The following PKHD1L1 variants were observed in gnomAD, a reference collection of about 807,000 sequenced individuals.
PKHD1L1 encodes the protein fibrocystin-L.
PKHD1L1 carries 434 observed loss-of-function variants against 462.9 expected under a neutral mutation model. The observed-to-expected ratio is 0.94, with a 90% confidence interval of 0.87 to 1.02. The LOEUF (loss-of-function observed/expected upper bound fraction) is 1.02, where lower values mean the gene tolerates loss of function less well. Among genes scored for constraint, PKHD1L1 ranks in the 50% least tolerant of loss-of-function variants. The probability of loss-of-function intolerance (pLI) is 0.00; values close to 1 mark genes in which losing one functional copy is unlikely to be tolerated. For missense variants in PKHD1L1, 5,202 were observed against 5,096.1 expected (o/e 1.02, Z -0.63); for synonymous variants, 1,781 against 1,750.0 (o/e 1.02, Z -0.44).
At chr8:109,394,651 T>G (rs1046135580) in intron 10 of PKHD1L1, among the ~76,000 whole-genome samples, 166 bp downstream of exon 10, 11 of 152,178 alleles carry the variant, frequency 7.2e-5, no homozygotes, top group African/African-American at 2.7e-4. Context: ...GCTACAACAT[T>G]AAGCATGACC....
At chr8:109,366,907 TG>T (rs1811262401) in intron 2 of PKHD1L1, among the ~76,000 whole-genome samples, 1 of 152,118 alleles carries the variant, frequency 6.6e-6, no homozygotes, top group South Asian at 2.1e-4. Context: ...TTGGCCAGGC[TG>T]GTCTTGAACT....
At chr8:109,373,970 G>A (rs1811661727) in intron 2 of PKHD1L1, among the ~76,000 whole-genome samples, 3 of 152,178 alleles carry the variant, frequency 2.0e-5, no homozygotes, top group African/African-American at 2.4e-5. Flanking sequence ...TGAAAAAAAT[G>A]TATATTCTGT....
chr8:109,418,841 A>G (rs751169710), intron 21 of PKHD1L1, among the ~76,000 whole-genome samples: 13 of 152,312 alleles, frequency 8.5e-5, no homozygotes, highest in Admixed American at 1.3e-4. Flanking sequence ...ATGTTATTTT[A>G]CATTCCTATG....
intron 21 of PKHD1L1, among the ~76,000 whole-genome samples, chr8:109,417,868 A>T (rs2130632822): frequency 6.6e-6 from 1 of 152,206 alleles, no homozygotes; most frequent in African/African-American, 2.4e-5. Context: ...ATATTTCTAG[A>T]TCTGCTTTAA....
chr8:109,508,419 G>A (rs1307049824), intron 70 of PKHD1L1, among the ~76,000 whole-genome samples, 155 bp downstream of exon 70: 1 of 152,072 alleles, frequency 6.6e-6, no homozygotes, highest in Non-Finnish European at 1.5e-5. Context: ...GCAGGGGAGA[G>A]ACTTGATCCT....
intron 13 of PKHD1L1, 85 bp downstream of exon 13, chr8:109,400,429 G>T: frequency 1.4e-6 from 2 of 1,408,174 alleles, no homozygotes; most frequent in Non-Finnish European, 9.5e-7. Flanking sequence ...CAAAACGAAT[G>T]AACATTTTTA....
chr8:109,421,272 T>C (rs1481061553), intron 23 of PKHD1L1, among the ~76,000 whole-genome samples: 1 of 151,990 alleles, frequency 6.6e-6, no homozygotes. Context: ...AAGCTCAAGA[T>C]TAAAGATTAA....
chr8:109,452,773 G>A lies in PKHD1L1; in HGVS notation c.6563G>A (p.Gly2188Glu), dbSNP rs369320445. The A allele has an allele frequency of 1.6e-5, 24 of 1,535,934 alleles. No homozygotes were observed. The African/African-American group carries it at 2.4e-4, about 15-fold the overall frequency. ...DAWSSNFSWG[G>E]KSPPEEGSLV... ...TGGTCCTCCAATTTCTCATGGGGGG[G>A]AAAATCTCCCCCAGAAGAAGGATCT... Residue 2188 changes from glycine (G) to glutamate (E), a missense_variant, in exon 43 of 78, where the codon GGA becomes GAA. This residue lies in a region of PKHD1L1 where 4,497 missense variants were observed against 4,336.8 expected (regional missense o/e 1.04). Coordinates refer to ENST00000378402, the MANE Select transcript of PKHD1L1 (RefSeq NM_177531.6).
At chr8:109,444,163 C>A (rs1815985439) in intron 37 of PKHD1L1, among the ~76,000 whole-genome samples, 1 of 152,156 alleles carries the variant, frequency 6.6e-6, no homozygotes, top group Non-Finnish European at 1.5e-5. Context: ...ACACCTAACC[C>A]CTCCATCGAT....
In PKHD1L1 at chr8:109,451,031, C is replaced by G. The variant is rs780764915; in HGVS notation, c.6232C>G (p.Gln2078Glu). Residue 2078 changes from glutamine to glutamate, a missense_variant, in exon 41 of 78, where the codon CAG becomes GAG. Coordinates refer to ENST00000378402, the MANE Select transcript of PKHD1L1 (RefSeq NM_177531.6). ...VSVVNGKDLSQSMTPFTYAVS... is the reference protein window; with the variant it reads ...VSVVNGKDLSESMTPFTYAVS... Reference sequence around the variant, plus strand: ...TGTGGTTAATGGGAAAGATTTGTCACAGTCCATGACTCCGTTTACGTACGC... The same window carrying G: ...TGTGGTTAATGGGAAAGATTTGTCAGAGTCCATGACTCCGTTTACGTACGC... 6.2e-7 allele frequency: 1 copy of G among 1,613,710 alleles called. No homozygotes were observed. Among genetic ancestry groups the G allele is most frequent in the Non-Finnish European group, 8.5e-7 (1 of 1,179,680 alleles).
At chr8:109,389,388 C>T (rs568933013) in intron 8 of PKHD1L1, among the ~76,000 whole-genome samples, 1 of 151,980 alleles carries the variant, frequency 6.6e-6, no homozygotes, top group Non-Finnish European at 1.5e-5. Context: ...CTTTCTTCTT[C>T]TTTCTCCCTA....
chr8:109,362,553 G>T lies in PKHD1L1; in HGVS notation c.-28G>T. 1 of 1,583,034 alleles carries T rather than the reference G, an allele frequency of 6.3e-7. No homozygotes were observed. Among genetic ancestry groups the T allele is most frequent in the East Asian group, 2.3e-5 (1 of 43,688 alleles). ...CACTAGAGCCAGCTGCGAGCGGAGG[G>T]CACCAACTCCGCAGAACTGGCTTTT... On this transcript the variant is annotated 5_prime_UTR_variant, in exon 1 of 78. Transcript: ENST00000378402.
intron 75 of PKHD1L1, 51 bp from the exon 76 acceptor site, chr8:109,523,182 G>C: frequency 6.8e-7 from 1 of 1,469,358 alleles, no homozygotes; most frequent in South Asian, 1.3e-5. Flanking sequence ...ATTTTTAAAA[G>C]CATGGAAACA....
Position 109,385,584 on chromosome 8 carries a change from A to G in PKHD1L1, c.523A>G (p.Ser175Gly). 1 of 1,607,268 alleles carries G rather than the reference A, an allele frequency of 6.2e-7. No homozygotes were observed. Among genetic ancestry groups the G allele is most frequent in the Non-Finnish European group, 8.5e-7 (1 of 1,175,772 alleles). The change falls in exon 6 of 78, where the codon AGT becomes GGT. Residue 175 changes from serine to glycine, a missense_variant. Ser to Gly is a moderately conservative substitution (Grantham distance 56). Around this residue, in one of 3 missense-constraint regions of PKHD1L1, gnomAD observed 4,497 missense variants for 4,336.8 expected, o/e 1.04. Coordinates refer to ENST00000378402, the MANE Select transcript of PKHD1L1 (RefSeq NM_177531.6). Reference sequence around the variant, plus strand: ...CAGAATCTTCACTGATGTCTATGGAAGTAATATTGCACTAAGCTCAAATGG... The same window carrying G: ...CAGAATCTTCACTGATGTCTATGGAGGTAATATTGCACTAAGCTCAAATGG... The part of the protein sequence containing the change: ...QGRIFTDVYG[S>G]NIALSSNGKN...
chr8:109,423,262 T>C (rs1814569157), intron 23 of PKHD1L1, among the ~76,000 whole-genome samples: 1 of 152,148 alleles, frequency 6.6e-6, no homozygotes, highest in South Asian at 2.1e-4. Context: ...TCCTACAGAT[T>C]TACATTTTAT....
In PKHD1L1 at chr8:109,488,554, C is replaced by G. The variant is rs149195684; in HGVS notation, c.9881-1398C>G. 3.3e-5 allele frequency among the ~76,000 whole-genome samples: 5 copies of G among 152,130 alleles called. No homozygotes were observed. In the East Asian group the frequency reaches 9.7e-4, roughly 29 times the overall value. On this transcript the variant is annotated intron_variant, in intron 59 of 77. Transcript: ENST00000378402. ...GAAGATGTTATTTGGATCCCACAAT[C>G]TGGGTACTAGGAGTAGACCATCCAT...
intron 2 of PKHD1L1, among the ~76,000 whole-genome samples, chr8:109,375,602 C>T (rs1174968005): frequency 6.6e-6 from 1 of 152,186 alleles, no homozygotes; most frequent in Admixed American, 6.5e-5. Context: ...TCCAGTTTTT[C>T]TGCTCTGTTT....
intron 76 of PKHD1L1, 116 bp downstream of exon 76, chr8:109,523,502 A>T: frequency 3.9e-6 from 4 of 1,033,930 alleles, no homozygotes; most frequent in Non-Finnish European, 5.3e-6. Flanking sequence ...TAGACATCAG[A>T]ATGCTATATT....
At position 109,411,248 on chromosome 8, in the gene PKHD1L1, T is replaced by C. The variant is rs530910347; in HGVS notation, c.2086-1017T>C. Among the ~76,000 whole-genome samples, 266 of 152,300 alleles carry C rather than the reference T, an allele frequency of 1.7e-3. 1 individual carries two copies. Among genetic ancestry groups the C allele is most frequent in the African/African-American group, 6.1e-3 (255 of 41,574 alleles). On this transcript the variant is annotated intron_variant, in intron 19 of 77. Coordinates refer to ENST00000378402, the MANE Select transcript of PKHD1L1 (RefSeq NM_177531.6). Reference sequence around the variant, plus strand: ...TATAGAGTAAAGGAAGAAAATTGAATATGTGCTTTCTAATTCTCATTTTCA... The same window carrying C: ...TATAGAGTAAAGGAAGAAAATTGAACATGTGCTTTCTAATTCTCATTTTCA...
Sources: gnomAD v4.1 joint callset for allele counts (sites outside exome capture counted in the v4.1 genomes callset) on GRCh38, gnomAD v4.1.1 for gene constraint, gnomAD v4.1.1 regional missense constraint, MANE v1.5 for transcripts, NCBI Gene and HGNC (gene_info 2026-07-23, HGNC 2026-07-21) for gene names.